Variants in HDAC8 observed in about 807,000 individuals in gnomAD.
The protein encoded by HDAC8 is histone deacetylase-like 1.
A neutral mutation model predicts 32.2 loss-of-function variants in HDAC8; 1 was observed. The observed-to-expected ratio is 0.03, with a 90% CI of 0.01 to 0.15. The LOEUF (loss-of-function observed/expected upper bound fraction) is 0.15, where lower values mean the gene tolerates loss of function less well. Among genes scored for constraint, HDAC8 ranks in the 10% least tolerant of loss-of-function variants. The pLI, the probability that HDAC8 is intolerant of heterozygous loss-of-function variation, is 1.00. For missense variants in HDAC8, 117 were observed against 300.0 expected (o/e 0.39, Z 4.51); for synonymous variants, 108 against 113.9 (o/e 0.95, Z 0.33).
chrX:72,536,686 C>T (rs1363348672), intron 4 of HDAC8, among the ~76,000 whole-genome samples: 5 of 111,959 alleles, frequency 4.5e-5, no homozygotes, highest in African/African-American at 1.6e-4. Context: ...ACTTTAAGGG[C>T]TCTGTGCCTA....
chrX:72,388,507 T>C (rs1203197337), intron 9 of HDAC8, among the ~76,000 whole-genome samples: 3 of 109,240 alleles, frequency 2.7e-5, no homozygotes, highest in Non-Finnish European at 3.8e-5. Context: ...ATCTGGAATC[T>C]AGAGGACCAC....
At chrX:72,452,076 T>C (rs1418466686) in intron 9 of HDAC8, among the ~76,000 whole-genome samples, 2 of 112,668 alleles carry the variant, frequency 1.8e-5, no homozygotes, top group Admixed American at 1.9e-4. Flanking sequence ...TTTTGAAGAA[T>C]ACCAGTCTGA....
At position 72,336,209 on chromosome X, in the gene HDAC8, T is replaced by C. The variant is rs192018870; in HGVS notation, c.1112-6133A>G. Among the ~76,000 whole-genome samples the C allele has an allele frequency of 2.0e-3, 229 of 112,356 alleles. 1 individual carries two copies. The highest frequency in any genetic ancestry group is 7.0e-3 in the African/African-American group (217 of 30,979). On this transcript the variant is annotated intron_variant, in intron 10 of 10. Transcript: ENST00000373573. ...CATTTGGTGTTGTCACTGCCTTGGA[T>C]TTTAGCCATTCTAATAGATATGTAA...
intron 9 of HDAC8, among the ~76,000 whole-genome samples, chrX:72,393,708 C>A (rs1237025206): frequency 9.0e-6 from 1 of 111,054 alleles, no homozygotes; most frequent in Non-Finnish European, 1.9e-5. Context: ...AATGTAACAC[C>A]CCCCACTCCC....
intron 9 of HDAC8, among the ~76,000 whole-genome samples, chrX:72,449,667 C>T (rs782197796): frequency 4.5e-5 from 5 of 110,294 alleles, no homozygotes; most frequent in Admixed American, 9.7e-5. Context: ...AAAAGTAAAT[C>T]GCCTAAACAC....
chrX:72,476,739 C>G (rs1221863445), intron 7 of HDAC8, among the ~76,000 whole-genome samples: 1 of 111,822 alleles, frequency 8.9e-6, no homozygotes, highest in Non-Finnish European at 1.9e-5. Flanking sequence ...CTCCCAGCAT[C>G]AGGCATATAG....
intron 4 of HDAC8, among the ~76,000 whole-genome samples, chrX:72,560,590 A>G (rs1031910129): frequency 1.3e-3 from 115 of 90,384 alleles, no homozygotes; most frequent in African/African-American, 4.9e-3. Flanking sequence ...AAAAAAAAAA[A>G]GAAATGGTAA....
At chrX:72,535,774 C>A (rs1261774651) in intron 4 of HDAC8, among the ~76,000 whole-genome samples, 1 of 111,755 alleles carries the variant, frequency 8.9e-6, no homozygotes, top group African/African-American at 3.3e-5. Context: ...TAAATCCGGT[C>A]ATAGGGAAGA....
intron 9 of HDAC8, among the ~76,000 whole-genome samples, chrX:72,430,392 C>T (rs1889858139): frequency 8.9e-6 from 1 of 112,576 alleles, no homozygotes; most frequent in South Asian, 3.7e-4. Context: ...ACCTATTGCT[C>T]CTTGAAACGC....
intron 9 of HDAC8, among the ~76,000 whole-genome samples, chrX:72,354,387 G>T (rs1291541343): frequency 8.9e-6 from 1 of 112,561 alleles, no homozygotes; most frequent in African/African-American, 3.2e-5. Flanking sequence ...GGCCTGCAAA[G>T]GTAGAAACTT....
chrX:72,339,107 T>C (rs1378614652), intron 10 of HDAC8, among the ~76,000 whole-genome samples: 2 of 111,372 alleles, frequency 1.8e-5, no homozygotes, highest in Non-Finnish European at 3.8e-5. Context: ...AGAAAAATCA[T>C]TGTAGGGATT....
Position 72,525,699 on chromosome X carries a change from AG to A in HDAC8, c.438-30432del, listed in dbSNP as rs1452637728. ...CGTTGTGGCGGGCGCCCGTAGTCCC[AG>A]CTACTCAGGAGGCTGAGGCAGGAGA... On this transcript the variant is annotated intron_variant, in intron 4 of 10. Coordinates refer to ENST00000373573, the MANE Select transcript of HDAC8 (RefSeq NM_018486.3). Among the ~76,000 whole-genome samples the A allele has an allele frequency of 2.8e-5, 3 of 105,598 alleles. No individual in the cohort carries two copies. The East Asian group carries it at 9.0e-4, about 32-fold the overall frequency. The allele number at this position is 105,598 out of a possible 115,157, so 91.7% of individuals were successfully genotyped here.
At chrX:72,343,879 T>C (rs1388244056) in intron 10 of HDAC8, among the ~76,000 whole-genome samples, 3 of 113,119 alleles carry the variant, frequency 2.7e-5, no homozygotes, top group East Asian at 5.5e-4. Flanking sequence ...AAATGGTTAC[T>C]GTTAGGCTTC....
chrX:72,525,813 C>A (rs78827057), intron 4 of HDAC8, among the ~76,000 whole-genome samples: 2 of 21,554 alleles, frequency 9.3e-5, no homozygotes, highest in Non-Finnish European at 8.0e-5. Context: ...GACTCTGTCT[C>A]AAAAAAAAAA....
intron 4 of HDAC8, among the ~76,000 whole-genome samples, chrX:72,566,296 TAAAAAAC>T (rs1371497522): frequency 2.6e-4 from 29 of 111,190 alleles, no homozygotes; most frequent in African/African-American, 7.2e-4. Flanking sequence ...TTGTCTTTAT[TAAAAAAC>T]AAAAAACAAA....
intron 9 of HDAC8, among the ~76,000 whole-genome samples, chrX:72,365,011 C>T (rs1311808801): frequency 9.0e-6 from 1 of 111,722 alleles, no homozygotes; most frequent in African/African-American, 3.3e-5. Context: ...GGGGAGAGCC[C>T]GATAGAAAGC....
intron 7 of HDAC8, among the ~76,000 whole-genome samples, chrX:72,483,005 C>G: frequency 9.0e-6 from 1 of 111,477 alleles, no homozygotes; most frequent in Non-Finnish European, 1.9e-5. Flanking sequence ...GGTGCAGGAG[C>G]CTCATCTGCC....
At chrX:72,399,694 T>C (rs782312624) in intron 9 of HDAC8, among the ~76,000 whole-genome samples, 9 of 112,335 alleles carry the variant, frequency 8.0e-5, no homozygotes, top group Middle Eastern at 4.6e-3. Flanking sequence ...CCCAAAGTGC[T>C]GGGATTATAG....
At chrX:72,371,328 A>G (rs782575497) in intron 9 of HDAC8, among the ~76,000 whole-genome samples, 1 of 111,914 alleles carries the variant, frequency 8.9e-6, no homozygotes, top group East Asian at 2.8e-4. Context: ...TTAAAAAAGT[A>G]ATATACCCTA....
Sources: gnomAD v4.1 joint callset for allele counts (sites outside exome capture counted in the v4.1 genomes callset) on GRCh38, gnomAD v4.1.1 for gene constraint, MANE v1.5 for transcripts, NCBI Gene and HGNC (gene_info 2026-07-23, HGNC 2026-07-21) for gene names.